Variants in SLC38A10 observed in about 807,000 individuals in gnomAD.
SLC38A10 encodes the protein Sodium-coupled neutral amino acid transporter 10.
In SLC38A10, 53 loss-of-function variants were observed where a neutral mutation model predicts 81.0. The observed-to-expected ratio is 0.65, with a 90% CI of 0.53 to 0.82. SLC38A10 has a LOEUF of 0.82. SLC38A10 is among the 40% of genes least tolerant of loss of function. The pLI is 0.00. For synonymous variants in SLC38A10, 665 were observed against 655.3 expected (o/e 1.01, Z -0.23); for missense variants, 1,471 against 1,545.0 (o/e 0.95, Z 0.80).
intron 6 of SLC38A10, chr17:81,280,021 C>T (rs1460956197): frequency 7.9e-6 from 3 of 377,458 alleles, no homozygotes; most frequent in Non-Finnish European, 1.6e-5. Flanking sequence ...TGGTCTTTTC[C>T]CGTCTGCGCC....
rs1399621777 is a variant in SLC38A10 at position 81,270,436 on chromosome 17, G to A, written c.1131+482C>T. On this transcript the variant is annotated intron_variant, in intron 10 of 15. Coordinates refer to ENST00000374759, the MANE Select transcript of SLC38A10 (RefSeq NM_001037984.3). This position sits in a 1 kb window ranked among gnomAD's most constrained non-coding sequence, Gnocchi z 4.0. ...AATAGCGAGGCAGCTCTGTGCCCACGGCTGTGGAGCAACCTGACCTGCACA... is the reference window on the plus strand; with the variant it reads ...AATAGCGAGGCAGCTCTGTGCCCACAGCTGTGGAGCAACCTGACCTGCACA... Among the ~76,000 whole-genome samples, 3 of 152,144 alleles carry A rather than the reference G, an allele frequency of 2.0e-5. No homozygotes were observed. Among genetic ancestry groups the A allele is most frequent in the Admixed American group, 1.3e-4 (2 of 15,280 alleles).
intron 11 of SLC38A10, among the ~76,000 whole-genome samples, chr17:81,258,411 C>T (rs1170962614): frequency 6.6e-6 from 1 of 152,162 alleles, no homozygotes; most frequent in Non-Finnish European, 1.5e-5. Context: ...GAAACAGAAA[C>T]CAGATGTGGC....
At chr17:81,251,823 C>A in intron 13 of SLC38A10, 1 of 554,808 alleles carries the variant, frequency 1.8e-6, no homozygotes, top group Non-Finnish European at 2.9e-6. Context: ...GGCAATGAGC[C>A]AATGGTAACT....
rs1321687156 is a variant in SLC38A10 at position 81,246,344 on chromosome 17, C to T, written c.2572G>A (p.Val858Met). The T allele has an allele frequency of 4.4e-6, 7 of 1,607,454 alleles. No homozygotes were observed. Among genetic ancestry groups the T allele is most frequent in the Admixed American group, 1.7e-5 (1 of 59,884 alleles). The change falls in exon 16 of 16, where the codon GTG becomes ATG. Residue 858 changes from valine to methionine, a missense_variant. Transcript: ENST00000374759. ...TCCCTGGCGGGGTCTGGCACGGGCA[C>T]CTGCTCCGGGCCCTTGGGGAGCTCC... ...VKELPKGPEQ[V>M]PVPDPAREAG...
chr17:81,246,214 G>T lies in SLC38A10; in HGVS notation c.2702C>A (p.Ala901Asp). The T allele has an allele frequency of 1.2e-6, 2 of 1,612,710 alleles. No individual in the cohort carries two copies. Among genetic ancestry groups the T allele is most frequent in the Non-Finnish European group, 1.7e-6 (2 of 1,179,958 alleles). Residue 901 changes from alanine to aspartate, a missense_variant, in exon 16 of 16, where the codon GCC (alanine) becomes GAC (aspartate). Ala to Asp is a moderately radical substitution (Grantham distance 126). This residue lies in a region of SLC38A10 where 751 missense variants were observed against 717.4 expected (regional missense o/e 1.05). Transcript: ENST00000374759. ...TTCCTTCAGAATGCTGGTGCCAGTG[G>T]CTGCCACCTCCTTCCCAGGTTTTTT... ...DRKKPGKEVA[A>D]TGTSILKEAN...
chr17:81,252,663 C>G lies in SLC38A10; in HGVS notation c.1477G>C (p.Glu493Gln). 1 of 1,605,578 alleles carries G rather than the reference C, an allele frequency of 6.2e-7. No individual in the cohort carries two copies. Among genetic ancestry groups the G allele is most frequent in the Non-Finnish European group, 8.5e-7 (1 of 1,178,624 alleles). Residue 493 changes from glutamate to glutamine, a missense_variant, in exon 13 of 16, where the codon GAG becomes CAG. By Grantham distance (29) the Glu-to-Gln change is conservative. This residue lies in a region of SLC38A10 where 720 missense variants were observed against 827.7 expected (regional missense o/e 0.87). Transcript: ENST00000374759. ...PGQGIAVPVG[E>Q]AHRHEPPVPH... is the part of the protein sequence containing the mutation. ...ACAGGAGGCTCGTGGCGGTGGGCCT[C>G]GCCCACAGGCACAGCAATCCCTGCA...
intron 10 of SLC38A10, among the ~76,000 whole-genome samples, chr17:81,267,227 G>T (rs1340826467): frequency 6.6e-6 from 1 of 152,132 alleles, no homozygotes; most frequent in Non-Finnish European, 1.5e-5. Flanking sequence ...CATGTCTGAC[G>T]ACTAGGGAAC....
chr17:81,246,976 G>A lies in SLC38A10; in HGVS notation c.2151C>T (p.Asp717=). ...TCACCGCCAGCAGCTTCTCCTGCTG[G>A]TCCAGCAAGCGCTTTTGCTGCACCT... is the stretch of plus-strand genomic sequence containing the variant. ...EQQVQQKRLL[D]QQEKLLAVIE... is the part of the protein sequence containing the mutation. The change falls in exon 15 of 16, where the codon GAC becomes GAT. Residue 717 remains aspartate, a synonymous_variant. Coordinates refer to ENST00000374759, the MANE Select transcript of SLC38A10 (RefSeq NM_001037984.3). 6.2e-7 allele frequency: 1 copy of A among 1,606,974 alleles called. No homozygotes were observed. Among genetic ancestry groups the A allele is most frequent in the Non-Finnish European group, 8.5e-7 (1 of 1,179,700 alleles).
chr17:81,282,039 G>C (rs2063217238), intron 5 of SLC38A10, 150 bp downstream of exon 5: 2 of 1,181,412 alleles, frequency 1.7e-6, no homozygotes. Context: ...GAGATGAATG[G>C]CACTTCCTGG....
intron 1 of SLC38A10, among the ~76,000 whole-genome samples, chr17:81,292,119 G>C (rs142548665): frequency 0.012 from 1,783 of 151,732 alleles, 21 homozygotes; most frequent in Non-Finnish European, 0.017. Context: ...TCTAGATATA[G>C]ATATAGATAT....
intron 14 of SLC38A10, 199 bp from the exon 15 acceptor site, chr17:81,247,260 G>A (rs754909821): frequency 3.6e-5 from 18 of 495,282 alleles, no homozygotes; most frequent in Non-Finnish European, 4.0e-5. Flanking sequence ...CTGAGGGCCC[G>A]GGAGAGGCTG....
chr17:81,284,988 C>G, intron 2 of SLC38A10, 93 bp from the exon 3 acceptor site: 1 of 1,109,724 alleles, frequency 9.0e-7, no homozygotes, highest in South Asian at 1.9e-5. Context: ...GGCGATTTCA[C>G]AGAAACCCAC....
chr17:81,294,780 C>A, intron 1 of SLC38A10, 43 bp downstream of exon 1: 2 of 1,513,030 alleles, frequency 1.3e-6, no homozygotes, highest in Non-Finnish European at 1.8e-6. Flanking sequence ...GCCCCCTCTG[C>A]GGGGGAGGCG....
chr17:81,274,316 G>C (rs905041857), intron 8 of SLC38A10, among the ~76,000 whole-genome samples: 1 of 152,210 alleles, frequency 6.6e-6, no homozygotes, highest in Admixed American at 6.5e-5. Flanking sequence ...CGTGGCTGGT[G>C]GAAGTCTGCA....
At position 81,276,022 on chromosome 17, in the gene SLC38A10, T is replaced by C. The variant is rs760168376; in HGVS notation, c.859A>G (p.Met287Val). Residue 287 changes from methionine (M) to valine (V), a missense_variant, in exon 8 of 16, where the codon ATG becomes GTG. This residue lies in a region of SLC38A10 where 720 missense variants were observed against 827.7 expected (regional missense o/e 0.87). Coordinates refer to ENST00000374759, the MANE Select transcript of SLC38A10 (RefSeq NM_001037984.3). This position sits in a 1 kb window ranked among gnomAD's most constrained non-coding sequence, Gnocchi z 4.7. The stretch of plus-strand genomic sequence containing the variant: ...GCCTGCCTGCATGGCAGGATCATCA[T>C]GGGGAAGCCCACAGCCACTGACATC... The part of the protein sequence containing the change: ...FMMSVAVGFP[M>V]MILPCRQALS... The C allele has an allele frequency of 3.1e-6, 5 of 1,613,622 alleles. No individual in the cohort carries two copies. The highest frequency in any genetic ancestry group is 1.1e-5 in the South Asian group (1 of 91,086).
intron 1 of SLC38A10, among the ~76,000 whole-genome samples, chr17:81,293,979 T>C (rs1036695848): frequency 6.6e-6 from 1 of 152,164 alleles, no homozygotes; most frequent in Non-Finnish European, 1.5e-5. Context: ...TTTCCAACTG[T>C]GGTAACGTCT....
rs867350424 is a variant in SLC38A10, at chr17:81,281,771, G to A, written c.501+418C>T. Among the ~76,000 whole-genome samples, 7 of 131,290 alleles carry A rather than the reference G, an allele frequency of 5.3e-5. No homozygotes were observed. Among genetic ancestry groups the A allele is most frequent in the African/African-American group, 1.1e-4 (3 of 27,656 alleles). 86.1% of individuals were successfully genotyped at this position (131,290 alleles called of 152,430 possible). On this transcript the variant is annotated intron_variant, in intron 5 of 15. Transcript: ENST00000374759. The surrounding 1 kb of genome is among the most constrained non-coding windows in gnomAD (Gnocchi z 5.3). The stretch of plus-strand genomic sequence containing the variant: ...AGCCTGGGCGACAAAGTGAGACTCC[G>A]TCTCAAAAAACAAACAAACAAACAA...
rs2062850789 is a variant in SLC38A10, at chr17:81,246,336, C to T, written c.2580G>A (p.Val860=). 2 of 1,608,080 alleles carry T rather than the reference C, an allele frequency of 1.2e-6. No individual in the cohort carries two copies. Among genetic ancestry groups the T allele is most frequent in the African/African-American group, 1.3e-5 (1 of 75,042 alleles). ...ELPKGPEQVP[V]PDPAREAGGP... Reference sequence around the variant, plus strand: ...CCCCGGCTTCCCTGGCGGGGTCTGGCACGGGCACCTGCTCCGGGCCCTTGG... The same window carrying T: ...CCCCGGCTTCCCTGGCGGGGTCTGGTACGGGCACCTGCTCCGGGCCCTTGG... Residue 860 remains valine, a synonymous_variant, in exon 16 of 16, where the codon GTG becomes GTA. Transcript: ENST00000374759.
intron 14 of SLC38A10, among the ~76,000 whole-genome samples, chr17:81,247,902 T>C (rs1013510719): frequency 6.6e-6 from 1 of 150,612 alleles, no homozygotes; most frequent in Non-Finnish European, 1.5e-5. Flanking sequence ...TTGGTACTTC[T>C]AGAAAGTTTC....
Sources: allele counts gnomAD v4.1 joint callset (sites outside exome capture counted in the v4.1 genomes callset), GRCh38; gene constraint gnomAD v4.1.1; regional missense constraint gnomAD v4.1.1; non-coding constraint Gnocchi (gnomAD v3.1); transcripts MANE v1.5; gene names NCBI Gene and HGNC (gene_info 2026-07-23, HGNC 2026-07-21).